The following HIPK2 variants were observed in gnomAD, a reference collection of about 807,000 sequenced individuals.
The protein encoded by HIPK2 is homeodomain interacting protein kinase 2.
HIPK2 carries 27 observed loss-of-function variants against 113.7 expected under a neutral mutation model. The ratio of observed to expected loss-of-function variants is 0.24; its 90% CI spans 0.17 to 0.33. The LOEUF is 0.33. HIPK2 is among the 10% of genes least tolerant of loss of function. The pLI is 1.00. For synonymous variants in HIPK2, 631 were observed against 642.2 expected (o/e 0.98, Z 0.26); for missense variants, 1,257 against 1,588.0 (o/e 0.79, Z 3.54).
rs146515296 is a variant in HIPK2 at position 139,587,833 on chromosome 7, G to A, written c.2718-3769C>T. Among the ~76,000 whole-genome samples the A allele has an allele frequency of 8.0e-3, 1,219 of 152,084 alleles. 19 individuals are homozygous for A. Among genetic ancestry groups the A allele is most frequent in the African/African-American group, 0.028 (1,153 of 41,462 alleles). On this transcript the variant is annotated intron_variant, in intron 12 of 14. Coordinates refer to ENST00000406875, the MANE Select transcript of HIPK2 (RefSeq NM_022740.5). Reference sequence around the variant, plus strand: ...TTTGAGGCTGCAGTGAGCTGTGGTCGTGTCACTGCACTCCAGTGTGGGTGA... The same window carrying A: ...TTTGAGGCTGCAGTGAGCTGTGGTCATGTCACTGCACTCCAGTGTGGGTGA...
chr7:139,656,669 AG>A (rs1439651205), intron 2 of HIPK2, among the ~76,000 whole-genome samples: 4 of 152,132 alleles, frequency 2.6e-5, no homozygotes, highest in African/African-American at 9.7e-5. Flanking sequence ...AAGGCCCCAC[AG>A]CTGCCCTCCC....
chr7:139,576,756 A>T (rs538460594), intron 13 of HIPK2, among the ~76,000 whole-genome samples: 33 of 152,230 alleles, frequency 2.2e-4, no homozygotes, highest in Non-Finnish European at 4.1e-4. Flanking sequence ...GGACAGCCCA[A>T]GTCCAAGAAG....
intron 1 of HIPK2, among the ~76,000 whole-genome samples, chr7:139,771,945 C>A (rs1411097459): frequency 6.6e-6 from 1 of 152,214 alleles, no homozygotes; most frequent in African/African-American, 2.4e-5. Context: ...AATTTCTTGA[C>A]AATCAGGTTA....
In HIPK2 at chr7:139,604,214, G is replaced by A. The variant is rs896665236; in HGVS notation, c.2122C>T (p.Pro708Ser). 9 of 1,611,022 alleles carry A rather than the reference G, an allele frequency of 5.6e-6. No homozygotes were observed. In the African/African-American group the frequency reaches 1.1e-4, roughly 19 times the overall value. Residue 708 changes from proline to serine, a missense_variant, in exon 10 of 15, where the codon CCA (proline) becomes TCA (serine). Pro to Ser is a moderately conservative substitution (Grantham distance 74). Coordinates refer to ENST00000406875, the MANE Select transcript of HIPK2 (RefSeq NM_022740.5). ...QPGLLAQQAW[P>S]SGTQQILLPP... The stretch of plus-strand genomic sequence containing the variant: ...AGCAGGATCTGCTGGGTCCCACTTG[G>A]CCAAGCCTGCTGTAGAACACAGGAC...
chr7:139,753,758 T>C (rs1796318458), intron 1 of HIPK2, among the ~76,000 whole-genome samples: 1 of 152,196 alleles, frequency 6.6e-6, no homozygotes, highest in African/African-American at 2.4e-5. Flanking sequence ...CAGGCGTGCA[T>C]ACACACCAGC....
At chr7:139,752,861 T>G (rs1796302057) in intron 1 of HIPK2, among the ~76,000 whole-genome samples, 1 of 152,144 alleles carries the variant, frequency 6.6e-6, no homozygotes, top group Non-Finnish European at 1.5e-5. Context: ...CTTCCCACAT[T>G]AGTCAAATGC....
chr7:139,733,867 T>C (rs543831330), intron 1 of HIPK2, among the ~76,000 whole-genome samples: 2 of 152,336 alleles, frequency 1.3e-5, no homozygotes, highest in South Asian at 2.1e-4. Context: ...CTTTCCCTTA[T>C]ATTACGGTAA....
intron 2 of HIPK2, among the ~76,000 whole-genome samples, chr7:139,688,803 T>C (rs1334705715): frequency 6.6e-6 from 1 of 152,146 alleles, no homozygotes; most frequent in Non-Finnish European, 1.5e-5. Context: ...AAAATACTAA[T>C]GTTCATTATA....
rs1027100883 is a variant in HIPK2 at position 139,565,915 on chromosome 7, G to C, written c.*7012C>G. On this transcript the variant is annotated 3_prime_UTR_variant, in exon 15 of 15. Transcript: ENST00000406875. The stretch of plus-strand genomic sequence containing the variant: ...ATTTTGAAAAAAATATATACCTTTA[G>C]TATTGCCTTTCTAGAATTAACTATA... The C allele has an allele frequency of 7.9e-5, 12 of 151,840 alleles. No individual in the cohort carries two copies. Among genetic ancestry groups the C allele is most frequent in the African/African-American group, 2.4e-4 (10 of 41,342 alleles). The allele number at this position is 151,840 out of a possible 1,614,324, so 9.4% of individuals were successfully genotyped here.
intron 1 of HIPK2, among the ~76,000 whole-genome samples, chr7:139,752,411 G>A (rs1052144603): frequency 6.6e-6 from 1 of 152,104 alleles, no homozygotes; most frequent in African/African-American, 2.4e-5. Flanking sequence ...CTGTCCGGCC[G>A]TGCAGAGTCT....
chr7:139,755,101 C>T (rs1796342724), intron 1 of HIPK2, among the ~76,000 whole-genome samples: 1 of 152,218 alleles, frequency 6.6e-6, no homozygotes, highest in Non-Finnish European at 1.5e-5. Flanking sequence ...CATCTTCTTC[C>T]TGTTGTCAAT....
intron 2 of HIPK2, among the ~76,000 whole-genome samples, chr7:139,636,049 G>A (rs1800801745): frequency 2.6e-5 from 4 of 152,152 alleles, no homozygotes; most frequent in African/African-American, 9.7e-5. Context: ...AATTGGAGTT[G>A]GACACTCTGC....
rs1273681281 is a variant in HIPK2, at chr7:139,631,168, C to T, written c.1344G>A (p.Leu448=). ...GTGGAGGAGACGCTCTTCCTACCTT[C>T]AGTCTCCACAAAGGATATGGTGAGT... The part of the protein sequence containing the change: ...DTDSPYPLWR[L]KTPDDHEAET... The change falls in exon 4 of 15, where the codon CTG becomes CTA. Residue 448 remains leucine (L), a synonymous_variant. Transcript: ENST00000406875. The surrounding 1 kb of genome is among the most constrained non-coding windows in gnomAD (Gnocchi z 4.9). 2 of 1,611,786 alleles carry T rather than the reference C, an allele frequency of 1.2e-6. No homozygotes were observed. The highest frequency in any genetic ancestry group is 1.7e-5 in the Admixed American group (1 of 59,806).
intron 2 of HIPK2, among the ~76,000 whole-genome samples, chr7:139,641,750 C>T (rs1471146122): frequency 6.6e-6 from 1 of 152,222 alleles, no homozygotes; most frequent in Non-Finnish European, 1.5e-5. Flanking sequence ...ACCCCAAACA[C>T]TTTGGTCAAG....
intron 1 of HIPK2, among the ~76,000 whole-genome samples, chr7:139,754,675 G>A (rs1380839495): frequency 6.6e-6 from 1 of 152,204 alleles, no homozygotes; most frequent in Non-Finnish European, 1.5e-5. Context: ...AGAACAAAGT[G>A]CTAAGAGCCT....
chr7:139,710,414 AT>A (rs1466164916), intron 2 of HIPK2, among the ~76,000 whole-genome samples: 2 of 152,148 alleles, frequency 1.3e-5, no homozygotes. Flanking sequence ...CTGACTTTTA[AT>A]TTCTTGAACT....
At chr7:139,695,323 A>AG (rs1794530290) in intron 2 of HIPK2, among the ~76,000 whole-genome samples, 1 of 152,186 alleles carries the variant, frequency 6.6e-6, no homozygotes, top group Non-Finnish European at 1.5e-5. Context: ...ACGGAGGGTT[A>AG]GGCCTCACCG....
rs965596854 is a variant in HIPK2 at position 139,572,173 on chromosome 7, G to A, written c.*754C>T. 4 of 152,216 alleles carry A rather than the reference G, an allele frequency of 2.6e-5. No homozygotes were observed. The highest frequency in any genetic ancestry group is 1.9e-4 in the East Asian group (1 of 5,202). The allele number at this position is 152,216 out of a possible 1,614,324, so 9.4% of individuals were successfully genotyped here. A position where few individuals can be genotyped will look rare whatever the true frequency, so the allele number is the denominator to read the frequency against. ...TTATTAATGACATTTGAGAAACAACGTTGCTTAGGGATTTATCCAGAGTGC... is the reference window on the plus strand; with the variant it reads ...TTATTAATGACATTTGAGAAACAACATTGCTTAGGGATTTATCCAGAGTGC... On this transcript the variant is annotated 3_prime_UTR_variant, in exon 15 of 15. Coordinates refer to ENST00000406875, the MANE Select transcript of HIPK2 (RefSeq NM_022740.5).
chr7:139,710,290 GTCACCA>G (rs1289053010), intron 2 of HIPK2, among the ~76,000 whole-genome samples: 1 of 152,136 alleles, frequency 6.6e-6, no homozygotes, highest in African/African-American at 2.4e-5. Context: ...TGTCTAAGGA[GTCACCA>G]TCATTTCTCC....
Sources: gnomAD v4.1 joint callset for allele counts (sites outside exome capture counted in the v4.1 genomes callset) on GRCh38, gnomAD v4.1.1 for gene constraint, Gnocchi (gnomAD v3.1) non-coding constraint, MANE v1.5 for transcripts, NCBI Gene and HGNC (gene_info 2026-07-23, HGNC 2026-07-21) for gene names.